Variants in NEMP2 observed in about 807,000 individuals in gnomAD.
The protein encoded by NEMP2 is nuclear envelope integral membrane protein 2.
In NEMP2, 53 loss-of-function variants were observed where a neutral mutation model predicts 54.2. The ratio of observed to expected loss-of-function variants is 0.98; its 90% CI spans 0.78 to 1.23. NEMP2 has a LOEUF of 1.23. NEMP2 is among the 50% of genes most tolerant of loss of function. NEMP2 has a pLI of 0.00. For synonymous variants in NEMP2, 197 were observed against 190.3 expected, an observed-to-expected ratio of 1.04 and a Z score of -0.29; for missense variants, 455 against 511.3, an observed-to-expected ratio of 0.89 and a Z score of 1.06.
chr2:190,422,912 C>A, the NEMP2 span, among the ~76,000 whole-genome samples: 1 of 148,700 alleles, frequency 6.7e-6, no homozygotes, highest in Non-Finnish European at 1.5e-5. Context: ...ATATTAAGTT[C>A]TTTTGTTGTA....
At chr2:190,613,258 G>A in the NEMP2 span, among the ~76,000 whole-genome samples, 21 of 152,208 alleles carry the variant, frequency 1.4e-4, no homozygotes, top group East Asian at 3.3e-3. Context: ...GGAATAGACT[G>A]CCTAAGGCCA....
the NEMP2 span, chr2:190,477,040 A>G: frequency 1.7e-5 from 2 of 117,344 alleles, no homozygotes. Flanking sequence ...AACATCACAC[A>G]CTGGGGACTC....
the NEMP2 span, among the ~76,000 whole-genome samples, chr2:190,476,283 G>T: frequency 6.6e-6 from 1 of 152,094 alleles, no homozygotes; most frequent in Non-Finnish European, 1.5e-5. Flanking sequence ...CTACAGAATG[G>T]GAGAAAATTT....
chr2:190,426,543 T>C, the NEMP2 span, among the ~76,000 whole-genome samples: 1 of 152,330 alleles, frequency 6.6e-6, no homozygotes, highest in Middle Eastern at 3.4e-3. This position sits in a 1 kb window ranked among gnomAD's most constrained non-coding sequence, Gnocchi z 4.7. Context: ...TATTGTGTAG[T>C]TGTGGGGATT....
chr2:190,618,507 G>C, the NEMP2 span, among the ~76,000 whole-genome samples: 1 of 151,978 alleles, frequency 6.6e-6, no homozygotes, highest in Non-Finnish European at 1.5e-5. Context: ...CCCGCTCTTC[G>C]ACCAAAGATA....
chr2:190,518,273 G>T (rs959422270), intron 4 of NEMP2, among the ~76,000 whole-genome samples: 4 of 152,132 alleles, frequency 2.6e-5, no homozygotes, highest in Admixed American at 2.0e-4. Context: ...AAAAGAAAAT[G>T]ATAATGTTTC....
chr2:190,519,894 AC>A lies in NEMP2; in HGVS notation c.214-712del, dbSNP rs1355373941. Among the ~76,000 whole-genome samples the A allele has an allele frequency of 6.6e-6, 1 of 152,204 alleles. No homozygotes were observed. The highest frequency in any genetic ancestry group is 1.5e-5 in the Non-Finnish European group (1 of 68,044). ...CTCTGTGTCAGGCAAATCTACTGGC[AC>A]CATTTTTTCAACAGCATGTGCTCAC... On this transcript the variant is annotated intron_variant, in intron 2 of 8. Coordinates refer to ENST00000409150, the MANE Select transcript of NEMP2 (RefSeq NM_001142645.2). This position sits in a 1 kb window ranked among gnomAD's most constrained non-coding sequence, Gnocchi z 5.4.
the NEMP2 span, among the ~76,000 whole-genome samples, chr2:190,457,464 G>C: frequency 6.6e-6 from 1 of 152,186 alleles, no homozygotes; most frequent in Non-Finnish European, 1.5e-5. This position sits in a 1 kb window ranked among gnomAD's most constrained non-coding sequence, Gnocchi z 5.1. Context: ...AGTCAAAAAT[G>C]TGCACAAAGC....
At chr2:190,642,195 C>A in the NEMP2 span, among the ~76,000 whole-genome samples, 3 of 152,132 alleles carry the variant, frequency 2.0e-5, no homozygotes, top group Admixed American at 6.5e-5. This position sits in a 1 kb window ranked among gnomAD's most constrained non-coding sequence, Gnocchi z 4.1. Context: ...GGGAACCTAA[C>A]CATCTCGGGT....
At chr2:190,601,824 C>T in the NEMP2 span, among the ~76,000 whole-genome samples, 37 of 151,998 alleles carry the variant, frequency 2.4e-4, no homozygotes, top group Non-Finnish European at 4.9e-4. This position sits in a 1 kb window ranked among gnomAD's most constrained non-coding sequence, Gnocchi z 5.8. Context: ...TTCTAAGCAA[C>T]GGCAGTAGAA....
chr2:190,554,867 C>T, the NEMP2 span, among the ~76,000 whole-genome samples: 7 of 152,236 alleles, frequency 4.6e-5, no homozygotes, highest in African/African-American at 1.7e-4. This position sits in a 1 kb window ranked among gnomAD's most constrained non-coding sequence, Gnocchi z 5.7. Context: ...GACTGGGAGA[C>T]ACCTCCCAAT....
chr2:190,438,136 A>T, the NEMP2 span, among the ~76,000 whole-genome samples: 15 of 151,876 alleles, frequency 9.9e-5, no homozygotes, highest in African/African-American at 3.6e-4. The surrounding 1 kb of genome is among the most constrained non-coding windows in gnomAD (Gnocchi z 5.2). Context: ...GACTCCCTGC[A>T]TTTCTGTCCA....
chr2:190,495,922 T>C, the NEMP2 span, among the ~76,000 whole-genome samples: 3 of 152,168 alleles, frequency 2.0e-5, no homozygotes, highest in Non-Finnish European at 4.4e-5. This position sits in a 1 kb window ranked among gnomAD's most constrained non-coding sequence, Gnocchi z 4.7. Flanking sequence ...CTTCTAGACA[T>C]TGGCTTAGGC....
chr2:190,475,811 A>C, the NEMP2 span, among the ~76,000 whole-genome samples: 1 of 152,166 alleles, frequency 6.6e-6, no homozygotes, highest in Admixed American at 6.5e-5. Context: ...ACTTCAAACT[A>C]TACTACAAGC....
chr2:190,643,389 T>G, the NEMP2 span, among the ~76,000 whole-genome samples: 5 of 152,192 alleles, frequency 3.3e-5, no homozygotes, highest in Non-Finnish European at 7.3e-5. Flanking sequence ...TGTGTCAGTG[T>G]TTCTGAAACC....
chr2:190,509,327 G>C lies in NEMP2; in HGVS notation c.1131-15C>G, dbSNP rs1484495891. On this transcript the variant is annotated splice_polypyrimidine_tract_variant and intron_variant, in intron 8 of 8. Transcript: ENST00000409150. The surrounding 1 kb of genome is among the most constrained non-coding windows in gnomAD (Gnocchi z 6.1). ...AGTCTGCAAATCTAACAAGTTTTTTGTTTTAAATAAAGTTAATGTTATCTC... is the reference window on the plus strand; with the variant it reads ...AGTCTGCAAATCTAACAAGTTTTTTCTTTTAAATAAAGTTAATGTTATCTC... The C allele has an allele frequency of 6.4e-7, 1 of 1,550,956 alleles. No homozygotes were observed. Among genetic ancestry groups the C allele is most frequent in the Non-Finnish European group, 8.7e-7 (1 of 1,146,566 alleles).
the NEMP2 span, among the ~76,000 whole-genome samples, chr2:190,606,797 A>AT: frequency 2.3e-4 from 35 of 152,266 alleles, no homozygotes; most frequent in African/African-American, 8.4e-4. Flanking sequence ...AGCTCAATTA[A>AT]TTTTTTTTAA....
chr2:190,464,981 T>G, the NEMP2 span: 1 of 824,456 alleles, frequency 1.2e-6, no homozygotes, highest in Non-Finnish European at 1.5e-6. Context: ...CACAACTAAC[T>G]ACACTGTTAG....
In NEMP2 at chr2:190,521,524, C is replaced by T. The variant is rs147918784; in HGVS notation, c.214-2341G>A. ...CAACATTTAAAAAAGAAGAAACAAC[C>T]TTCTGTGGACTCCACTTTTCCCTCC... is the stretch of plus-strand genomic sequence containing the variant. On this transcript the variant is annotated intron_variant, in intron 2 of 8. Transcript: ENST00000409150. This position sits in a 1 kb window ranked among gnomAD's most constrained non-coding sequence, Gnocchi z 6.2. 3.0e-4 allele frequency among the ~76,000 whole-genome samples: 45 copies of T among 152,290 alleles called. No homozygotes were observed. The highest frequency in any genetic ancestry group is 1.1e-3 in the African/African-American group (44 of 41,564).
Sources: gnomAD v4.1 joint callset for allele counts (sites outside exome capture counted in the v4.1 genomes callset) on GRCh38, gnomAD v4.1.1 for gene constraint, Gnocchi (gnomAD v3.1) non-coding constraint, MANE v1.5 for transcripts, NCBI Gene and HGNC (gene_info 2026-07-23, HGNC 2026-07-21) for gene names.